Variants in KYNU observed in about 807,000 individuals in gnomAD.
KYNU encodes the protein kynureninase.
In KYNU, 54 loss-of-function variants were observed where a neutral mutation model predicts 59.2. The ratio of observed to expected loss-of-function variants is 0.91; its 90% confidence interval spans 0.73 to 1.14. KYNU has a LOEUF of 1.14. KYNU is among the 50% of genes most tolerant of loss of function. The pLI, the probability that KYNU is intolerant of heterozygous loss-of-function variation, is 0.00. For missense variants in KYNU, 567 were observed against 554.4 expected, an observed-to-expected ratio of 1.02 and a Z score of -0.23; for synonymous variants, 177 against 192.0, an observed-to-expected ratio of 0.92 and a Z score of 0.65.
chr2:142,883,524 C>T (rs1354015836), intron 1 of KYNU, among the ~76,000 whole-genome samples: 1 of 152,016 alleles, frequency 6.6e-6, no homozygotes, highest in Non-Finnish European at 1.5e-5. Context: ...CTACCTTCTG[C>T]CTTTGTTTTT....
chr2:143,020,034 A>C (rs2105216168), intron 10 of KYNU, among the ~76,000 whole-genome samples: 1 of 151,772 alleles, frequency 6.6e-6, no homozygotes, highest in Admixed American at 6.6e-5. Context: ...AGTCTGGCTA[A>C]AAGTTTGCCA....
At chr2:142,940,692 G>A (rs1683566844) in intron 4 of KYNU, among the ~76,000 whole-genome samples, 1 of 151,958 alleles carries the variant, frequency 6.6e-6, no homozygotes, top group African/African-American at 2.4e-5. Context: ...ATAGCTGTAG[G>A]GGTTTTCTGC....
intron 5 of KYNU, among the ~76,000 whole-genome samples, 167 bp from the exon 6 acceptor site, chr2:142,956,036 C>A (rs1259248495): frequency 6.6e-6 from 1 of 152,046 alleles, no homozygotes; most frequent in Non-Finnish European, 1.5e-5. Context: ...CTTTGAGATT[C>A]ACTGGAAACA....
intron 4 of KYNU, among the ~76,000 whole-genome samples, chr2:142,931,283 C>G (rs1009183039): frequency 1.3e-5 from 2 of 152,170 alleles, no homozygotes; most frequent in Non-Finnish European, 2.9e-5. Flanking sequence ...TAAGGGGCCT[C>G]TTTCTCAATA....
At chr2:143,032,094 T>G (rs547820803) in intron 11 of KYNU, among the ~76,000 whole-genome samples, 8 of 151,836 alleles carry the variant, frequency 5.3e-5, no homozygotes, top group East Asian at 3.9e-4. Context: ...TGGCTAACAC[T>G]GTGAAACCCC....
chr2:142,937,505 A>C (rs1683431622), intron 4 of KYNU, among the ~76,000 whole-genome samples: 1 of 150,078 alleles, frequency 6.7e-6, no homozygotes. Context: ...AAAAATCATG[A>C]GCCAAACTAA....
intron 7 of KYNU, among the ~76,000 whole-genome samples, chr2:142,960,246 T>C (rs1684298213): frequency 6.6e-6 from 1 of 152,232 alleles, no homozygotes; most frequent in African/African-American, 2.4e-5. Context: ...TACCAATTTC[T>C]GATAATTTAT....
In KYNU at chr2:143,042,766, G is replaced by C. The variant is rs1380282437; in HGVS notation, c.*594G>C. On this transcript the variant is annotated 3_prime_UTR_variant, in exon 14 of 14. Coordinates refer to ENST00000264170, the MANE Select transcript of KYNU (RefSeq NM_003937.3). Reference sequence around the variant, plus strand: ...GAAACCAGTATTTATGTGAATATATGAGAAATATTATTGATTCTAAGATAT... The same window carrying C: ...GAAACCAGTATTTATGTGAATATATCAGAAATATTATTGATTCTAAGATAT... 2.0e-5 allele frequency: 3 copies of C among 150,720 alleles called. No individual in the cohort carries two copies. In the South Asian group the frequency reaches 6.3e-4, roughly 32 times the overall value. The allele number at this position is 150,720 out of a possible 1,614,324, so 9.3% of individuals were successfully genotyped here. A position where few individuals can be genotyped will look rare whatever the true frequency, so the allele number is the denominator to read the frequency against.
intron 10 of KYNU, among the ~76,000 whole-genome samples, chr2:142,993,204 A>G (rs1235838288): frequency 1.3e-5 from 2 of 149,356 alleles, no homozygotes; most frequent in Admixed American, 6.6e-5. Context: ...GATATAAAAA[A>G]GAAGAAAGAA....
At chr2:142,911,701 T>C (rs1299849597) in intron 2 of KYNU, among the ~76,000 whole-genome samples, 4 of 152,150 alleles carry the variant, frequency 2.6e-5, no homozygotes, top group Admixed American at 6.5e-5. Context: ...ATCGCTCTTA[T>C]TGTTTTGCGG....
chr2:142,970,507 T>C (rs1041217579), intron 8 of KYNU, among the ~76,000 whole-genome samples: 2 of 152,202 alleles, frequency 1.3e-5, no homozygotes, highest in African/African-American at 4.8e-5. Flanking sequence ...AATGGGGCTA[T>C]CTCCAGATAT....
At chr2:143,029,813 A>G in intron 11 of KYNU, 134 bp downstream of exon 11, 1 of 658,132 alleles carries the variant, frequency 1.5e-6, no homozygotes, top group Non-Finnish European at 2.8e-6. Context: ...ATTCTCAAAT[A>G]AGAAATGACA....
Position 143,046,423 on chromosome 2 carries a change from A to G in KYNU, c.*4251A>G, listed in dbSNP as rs1416161588. 1.3e-5 allele frequency: 2 copies of G among 152,122 alleles called. No individual in the cohort carries two copies. The highest frequency in any genetic ancestry group is 2.9e-5 in the Non-Finnish European group (2 of 68,030). 9.4% of individuals were successfully genotyped at this position (152,122 alleles called of 1,614,324 possible). A position where few individuals can be genotyped will look rare whatever the true frequency, so the allele number is the denominator to read the frequency against. The stretch of plus-strand genomic sequence containing the variant: ...TTGTTTTAGGGAAGAGTCATAAACC[A>G]TCTTTAAGTTCTCCTATGTTACAAG... On this transcript the variant is annotated 3_prime_UTR_variant, in exon 14 of 14. Coordinates refer to ENST00000264170, the MANE Select transcript of KYNU (RefSeq NM_003937.3).
In KYNU at chr2:143,047,852, C is replaced by CTTTTTTTTTT. The variant is rs61229238; in HGVS notation, c.*5697_*5706dup. Reference sequence around the variant, plus strand: ...GGCATAAGCTGCCACTCCTGGACCTCTTTTTTTTTTTTTTTTTTTTTTTTT... The same window carrying CTTTTTTTTTT: ...GGCATAAGCTGCCACTCCTGGACCTCTTTTTTTTTTTTTTTTTTTTTTTTTTTTTTTTTTT... On this transcript the variant is annotated 3_prime_UTR_variant, in exon 14 of 14. Coordinates refer to ENST00000264170, the MANE Select transcript of KYNU (RefSeq NM_003937.3). 7 of 100,336 alleles carry CTTTTTTTTTT rather than the reference C, an allele frequency of 7.0e-5. 2 individuals are homozygous for CTTTTTTTTTT. The highest frequency in any genetic ancestry group is 1.1e-4 in the Non-Finnish European group (6 of 52,724). 6.2% of individuals were successfully genotyped at this position (100,336 alleles called of 1,614,324 possible). A position where few individuals can be genotyped will look rare whatever the true frequency, so the allele number is the denominator to read the frequency against.
intron 10 of KYNU, among the ~76,000 whole-genome samples, chr2:143,017,228 T>A (rs1445055496): frequency 6.6e-6 from 1 of 152,172 alleles, no homozygotes; most frequent in East Asian, 1.9e-4. Context: ...GTGTGTCTTT[T>A]TGGTAAAATA....
intron 10 of KYNU, among the ~76,000 whole-genome samples, chr2:142,990,337 T>C (rs1307356244): frequency 6.6e-6 from 1 of 151,876 alleles, no homozygotes; most frequent in Non-Finnish European, 1.5e-5. Flanking sequence ...TAAATAACAT[T>C]GTAAATTTTG....
intron 4 of KYNU, among the ~76,000 whole-genome samples, chr2:142,953,041 A>G (rs1050589631): frequency 2.0e-5 from 3 of 152,164 alleles, no homozygotes; most frequent in Non-Finnish European, 4.4e-5. Flanking sequence ...AATTCACTCT[A>G]TAATTGTTCT....
At chr2:142,896,472 T>A (rs1482941406) in intron 2 of KYNU, among the ~76,000 whole-genome samples, 1 of 152,184 alleles carries the variant, frequency 6.6e-6, no homozygotes, top group African/African-American at 2.4e-5. Flanking sequence ...TTTGACTACT[T>A]TTTTTTAATT....
rs193067479 is a variant in KYNU at position 142,982,733 on chromosome 2, T to G, written c.730-2351T>G. 2.7e-3 allele frequency among the ~76,000 whole-genome samples: 406 copies of G among 152,206 alleles called. 1 individual carries two copies. The highest frequency in any genetic ancestry group is 9.0e-3 in the African/African-American group (373 of 41,560). Reference sequence around the variant, plus strand: ...TTTGGATAAGAATACTTTTTAAAAATTAAGCACCATATAAAACAGCTGGCT... The same window carrying G: ...TTTGGATAAGAATACTTTTTAAAAAGTAAGCACCATATAAAACAGCTGGCT... On this transcript the variant is annotated intron_variant, in intron 8 of 13. Transcript: ENST00000264170.
Sources: allele counts gnomAD v4.1 joint callset (sites outside exome capture counted in the v4.1 genomes callset), GRCh38; gene constraint gnomAD v4.1.1; transcripts MANE v1.5; gene names NCBI Gene and HGNC (gene_info 2026-07-23, HGNC 2026-07-21).